SNX6: variants seen among roughly 807,000 people sequenced by gnomAD.
The protein encoded by SNX6 is sorting nexin-6.
SNX6 carries 34 observed loss-of-function variants against 63.0 expected under a neutral mutation model. That is an observed-to-expected ratio of 0.54 (90% confidence interval 0.41 to 0.72). The LOEUF is 0.72. Ranked by LOEUF, SNX6 falls within the 30% of genes least tolerant of loss-of-function variation. The pLI is 0.00. For missense variants in SNX6, 398 were observed against 471.4 expected, an observed-to-expected ratio of 0.84 and a Z score of 1.44; for synonymous variants, 170 against 164.2, an observed-to-expected ratio of 1.04 and a Z score of -0.27.
intron 7 of SNX6, among the ~76,000 whole-genome samples, chr14:34,596,632 A>AAG (rs1471536940): frequency 2.7e-5 from 4 of 150,592 alleles, no homozygotes; most frequent in Non-Finnish European, 4.4e-5. Context: ...AAAAAAAAAA[A>AAG]AGAGAGAGAG....
chr14:34,602,933 G>A (rs1040405810), intron 6 of SNX6, among the ~76,000 whole-genome samples: 4 of 145,482 alleles, frequency 2.7e-5, no homozygotes, highest in Admixed American at 7.1e-5. Context: ...CTGAGATGAC[G>A]CCACTGCACT....
chr14:34,594,721 G>C (rs1401289828), intron 7 of SNX6, among the ~76,000 whole-genome samples: 1 of 152,060 alleles, frequency 6.6e-6, no homozygotes, highest in Non-Finnish European at 1.5e-5. Context: ...AAATGAAAAA[G>C]CATCTGCTGA....
In SNX6 at chr14:34,602,053, G is replaced by A. The variant is rs180684505; in HGVS notation, c.516+1295C>T. The stretch of plus-strand genomic sequence containing the variant: ...GCCTCTAATCCCAGCACTTTGGGAG[G>A]CTGAGGCAGGTGGATCACCTGAGGT... On this transcript the variant is annotated intron_variant, in intron 6 of 13. Coordinates refer to ENST00000362031, the MANE Select transcript of SNX6 (RefSeq NM_152233.4). Among the ~76,000 whole-genome samples, 570 of 128,768 alleles carry A rather than the reference G, an allele frequency of 4.4e-3. 1 individual carries two copies. The highest frequency in any genetic ancestry group is 0.016 in the African/African-American group (540 of 34,114). 84.5% of individuals were successfully genotyped at this position (128,768 alleles called of 152,430 possible).
chr14:34,626,601 A>G (rs967067932), intron 2 of SNX6, among the ~76,000 whole-genome samples: 3 of 149,190 alleles, frequency 2.0e-5, no homozygotes, highest in African/African-American at 7.4e-5. Flanking sequence ...CCCAGGAGGC[A>G]GAGCTTGCAG....
At chr14:34,590,488 C>T (rs185846930) in intron 8 of SNX6, among the ~76,000 whole-genome samples, 1 of 151,298 alleles carries the variant, frequency 6.6e-6, no homozygotes, top group African/African-American at 2.4e-5. Context: ...AGATGTTGAA[C>T]CTCAACAGTC....
chr14:34,614,733 C>T lies in SNX6; in HGVS notation c.55-4991G>A, dbSNP rs1883356033. ...AGGAGTTTGAGACCAGCCTGGGCAA[C>T]ATAGCAAGACCTGTCTCTACAAAAT... On this transcript the variant is annotated intron_variant, in intron 2 of 13. Coordinates refer to ENST00000362031, the MANE Select transcript of SNX6 (RefSeq NM_152233.4). Among the ~76,000 whole-genome samples the T allele has an allele frequency of 2.0e-5, 3 of 152,268 alleles. No homozygotes were observed. In the South Asian group the frequency reaches 6.2e-4, roughly 32 times the overall value.
intron 2 of SNX6, among the ~76,000 whole-genome samples, chr14:34,619,273 T>C (rs1294839009): frequency 6.6e-6 from 1 of 152,002 alleles, no homozygotes; most frequent in African/African-American, 2.4e-5. Flanking sequence ...AATACAAAAA[T>C]TAGCTGGGTG....
chr14:34,575,812 C>T lies in SNX6; in HGVS notation c.865G>A (p.Asp289Asn). ...TTTAAAAGATCAGAAAGTTTGAGGT[C>T]TTCATCAGCAGACACTCGTGCTTCT... is the stretch of plus-strand genomic sequence containing the variant. ...KIEARVSADE[D>N]LKLSDLLKYY... The change falls in exon 11 of 14, where the codon GAC becomes AAC. Residue 289 changes from aspartate (D) to asparagine (N), a missense_variant. Physicochemically the swap from Asp to Asn is conservative, Grantham distance 23. Coordinates refer to ENST00000362031, the MANE Select transcript of SNX6 (RefSeq NM_152233.4). 6.3e-7 allele frequency: 1 copy of T among 1,594,184 alleles called. No homozygotes were observed. Among genetic ancestry groups the T allele is most frequent in the Non-Finnish European group, 8.5e-7 (1 of 1,170,166 alleles).
At position 34,608,051 on chromosome 14, in the gene SNX6, A is replaced by G. The variant is rs1186756601; in HGVS notation, c.249T>C (p.Asn83=). ...FIWLHDSFVE[N]EDYAGYIIPP... ...TTACGATATAACCTGCATAGTCTTCATTTTCAACAAAGGAATCATGAAGCC... is the reference window on the plus strand; with the variant it reads ...TTACGATATAACCTGCATAGTCTTCGTTTTCAACAAAGGAATCATGAAGCC... The change falls in exon 4 of 14, where the codon AAT becomes AAC. Residue 83 remains asparagine (N), a synonymous_variant. Transcript: ENST00000362031. 6.3e-7 allele frequency: 1 copy of G among 1,598,470 alleles called. No homozygotes were observed. The highest frequency in any genetic ancestry group is 1.7e-5 in the Admixed American group (1 of 59,112).
At chr14:34,586,208 C>T (rs368975236) in intron 9 of SNX6, 22 bp downstream of exon 9, 14 of 1,512,020 alleles carry the variant, frequency 9.3e-6, no homozygotes, top group East Asian at 2.3e-5. Flanking sequence ...GCCTATTTCA[C>T]GTTTTAAATT....
At chr14:34,625,406 G>A (rs1883788399) in intron 2 of SNX6, among the ~76,000 whole-genome samples, 1 of 152,118 alleles carries the variant, frequency 6.6e-6, no homozygotes, top group Non-Finnish European at 1.5e-5. Context: ...AAATTTCAGT[G>A]CACAAACAGA....
intron 6 of SNX6, among the ~76,000 whole-genome samples, chr14:34,599,576 C>T (rs944086925): frequency 1.3e-5 from 2 of 150,998 alleles, no homozygotes; most frequent in East Asian, 3.9e-4. Flanking sequence ...CATTGCATTC[C>T]AGCCTGGACA....
At chr14:34,569,159 A>T in intron 11 of SNX6, 1 of 767,134 alleles carries the variant, frequency 1.3e-6, no homozygotes. Context: ...ACTGCCAGCC[A>T]GGGGAAAGGG....
At chr14:34,603,243 G>T in intron 6 of SNX6, 105 bp downstream of exon 6, 1 of 1,082,262 alleles carries the variant, frequency 9.2e-7, no homozygotes, top group Non-Finnish European at 1.3e-6. Context: ...ATGCCACTAT[G>T]CCACTGTACT....
chr14:34,600,996 C>T (rs1026830501), intron 6 of SNX6, among the ~76,000 whole-genome samples: 7 of 148,738 alleles, frequency 4.7e-5, no homozygotes, highest in Admixed American at 2.0e-4. Context: ...CCAGCCTGGG[C>T]GACAGAGACT....
intron 7 of SNX6, 151 bp downstream of exon 7, chr14:34,597,399 C>G: frequency 5.2e-6 from 3 of 578,932 alleles, no homozygotes; most frequent in Non-Finnish European, 9.1e-6. Flanking sequence ...AGAGAGGAAT[C>G]TAGGTCAGGA....
chr14:34,583,593 A>G (rs1882032431), intron 9 of SNX6, among the ~76,000 whole-genome samples: 1 of 152,030 alleles, frequency 6.6e-6, no homozygotes, highest in South Asian at 2.1e-4. Flanking sequence ...TAGCTACTGT[A>G]TGCCAGCCTG....
At chr14:34,586,388 G>A in intron 8 of SNX6, 83 bp from the exon 9 acceptor site, 1 of 747,040 alleles carries the variant, frequency 1.3e-6, no homozygotes. Flanking sequence ...CAAACAATGT[G>A]TAATATGAGA....
intron 9 of SNX6, 146 bp downstream of exon 9, chr14:34,586,084 G>A: frequency 2.7e-6 from 1 of 373,716 alleles, no homozygotes; most frequent in Non-Finnish European, 5.0e-6. Flanking sequence ...TGTATTTTTA[G>A]TAGAGACGGG....
Sources: gnomAD v4.1 joint callset for allele counts (sites outside exome capture counted in the v4.1 genomes callset) on GRCh38, gnomAD v4.1.1 for gene constraint, MANE v1.5 for transcripts, NCBI Gene and HGNC (gene_info 2026-07-23, HGNC 2026-07-21) for gene names.